The following MAF variants were observed in gnomAD, a reference collection of about 807,000 sequenced individuals.
MAF encodes the protein transcription factor Maf.
Under a neutral mutation model 22.0 loss-of-function variants are expected in MAF, and 10 were observed. The ratio of observed to expected loss-of-function variants is 0.45; its 90% CI spans 0.28 to 0.77. The LOEUF (loss-of-function observed/expected upper bound fraction) is 0.77, where lower values mean the gene tolerates loss of function less well. Among genes scored for constraint, MAF ranks in the 30% least tolerant of loss-of-function variants. The pLI is 0.12. For missense variants in MAF, 544 were observed against 548.4 expected (o/e 0.99, Z 0.08); for synonymous variants, 337 against 255.8 (o/e 1.32, Z -3.03).
chr16:79,265,757 C>G, the MAF span, among the ~76,000 whole-genome samples: 19 of 152,166 alleles, frequency 1.2e-4, no homozygotes, highest in Admixed American at 5.9e-4. Flanking sequence ...TCACCTTTTC[C>G]CCTAAAGGAA....
the MAF span, chr16:79,204,653 C>A: frequency 6.6e-6 from 1 of 152,228 alleles, no homozygotes; most frequent in African/African-American, 2.4e-5. Flanking sequence ...AACACAGGCC[C>A]TGAGAGCGTA....
the MAF span, among the ~76,000 whole-genome samples, chr16:79,479,809 C>G: frequency 2.0e-5 from 3 of 152,150 alleles, no homozygotes; most frequent in East Asian, 5.8e-4. Context: ...CATTGTTGAC[C>G]TCATGTTAAG....
the MAF span, among the ~76,000 whole-genome samples, chr16:79,546,425 G>C: frequency 3.2e-4 from 48 of 152,258 alleles, no homozygotes; most frequent in African/African-American, 1.1e-3. Flanking sequence ...TGGGAGAAGA[G>C]ATAGAAAGTT....
the MAF span, among the ~76,000 whole-genome samples, chr16:79,562,631 C>G: frequency 1.3e-5 from 2 of 152,184 alleles, no homozygotes; most frequent in South Asian, 4.1e-4. Context: ...TTCTCAACAT[C>G]TGTAGACCTC....
At chr16:79,207,926 C>T in the MAF span, among the ~76,000 whole-genome samples, 1 of 152,074 alleles carries the variant, frequency 6.6e-6, no homozygotes, top group African/African-American at 2.4e-5. Context: ...TGATGAAAAG[C>T]AGCTACTTAA....
chr16:79,414,000 C>CCCTCA, the MAF span, among the ~76,000 whole-genome samples: 2 of 152,190 alleles, frequency 1.3e-5, no homozygotes, highest in Non-Finnish European at 2.9e-5. Context: ...TGGCCAAATG[C>CCCTCA]CCTCAGCTGT....
At chr16:79,506,374 G>C in the MAF span, among the ~76,000 whole-genome samples, 1 of 152,132 alleles carries the variant, frequency 6.6e-6, no homozygotes, top group South Asian at 2.1e-4. Flanking sequence ...CTCAGGGTTT[G>C]AACAGAGAGT....
the MAF span, among the ~76,000 whole-genome samples, chr16:79,351,071 A>G: frequency 6.6e-6 from 1 of 152,068 alleles, no homozygotes; most frequent in African/African-American, 2.4e-5. Context: ...CTGCCTCTCC[A>G]TCAGCTGTCA....
At chr16:79,574,565 G>C in the MAF span, among the ~76,000 whole-genome samples, 1 of 152,054 alleles carries the variant, frequency 6.6e-6, no homozygotes, top group Non-Finnish European at 1.5e-5. Flanking sequence ...CACTGATTTC[G>C]TGAGACCCAT....
chr16:79,287,490 A>G, the MAF span, among the ~76,000 whole-genome samples: 3 of 152,194 alleles, frequency 2.0e-5, no homozygotes, highest in African/African-American at 7.2e-5. Flanking sequence ...GGGTTGTGGC[A>G]GGAGGCCAAG....
downstream of MAF, among the ~76,000 whole-genome samples, chr16:79,585,443 G>C (rs1165386899): frequency 6.6e-6 from 1 of 151,938 alleles, no homozygotes. Flanking sequence ...ATGTTTATGA[G>C]GCCCCGGTAA....
intron 1 of MAF, chr16:79,595,003 C>G: frequency 9.4e-7 from 1 of 1,067,850 alleles, no homozygotes; most frequent in Non-Finnish European, 1.1e-6. Context: ...TAACTACATC[C>G]AGAATATCAC....
At chr16:79,212,240 A>G in the MAF span, 4 of 1,352,084 alleles carry the variant, frequency 3.0e-6, no homozygotes, top group African/African-American at 1.5e-5. Context: ...TCCTTGCTGC[A>G]TTGATCCAGG....
chr16:79,208,082 A>G, the MAF span, among the ~76,000 whole-genome samples: 1 of 152,218 alleles, frequency 6.6e-6, no homozygotes, highest in Non-Finnish European at 1.5e-5. Flanking sequence ...TTTTTGAAAG[A>G]GAATGATGAA....
chr16:79,508,889 G>C, the MAF span, among the ~76,000 whole-genome samples: 2 of 152,096 alleles, frequency 1.3e-5, no homozygotes, highest in Non-Finnish European at 2.9e-5. Flanking sequence ...ACTCTTAATG[G>C]GTATGAGGCT....
chr16:79,493,566 G>T, the MAF span, among the ~76,000 whole-genome samples: 3 of 152,142 alleles, frequency 2.0e-5, no homozygotes, highest in Non-Finnish European at 4.4e-5. Flanking sequence ...CTCCTGCCTT[G>T]GTCTCCCAAG....
the MAF span, among the ~76,000 whole-genome samples, chr16:79,476,940 G>A: frequency 2.0e-5 from 3 of 152,050 alleles, no homozygotes; most frequent in Non-Finnish European, 4.4e-5. Flanking sequence ...TATCATCCAC[G>A]GCCATCTTAT....
chr16:79,583,027 T>C (rs922242802), downstream of MAF, among the ~76,000 whole-genome samples: 7 of 152,192 alleles, frequency 4.6e-5, no homozygotes, highest in South Asian at 2.1e-4. Context: ...AATATGTTGA[T>C]GGGTTCTGCA....
chr16:79,596,547 G>C (rs1192846184), intron 1 of MAF: 1 of 1,049,082 alleles, frequency 9.5e-7, no homozygotes, highest in Admixed American at 5.5e-5. Flanking sequence ...GAAAATGAAA[G>C]AAAAGCACAT....
Sources: gnomAD v4.1 joint callset for allele counts (sites outside exome capture counted in the v4.1 genomes callset) on GRCh38, gnomAD v4.1.1 for gene constraint, MANE v1.5 for transcripts, NCBI Gene and HGNC (gene_info 2026-07-23, HGNC 2026-07-21) for gene names.